PINX1: variants seen among roughly 807,000 people sequenced by gnomAD.
PINX1 encodes the protein PIN2/TERF1-interacting telomerase inhibitor 1.
A neutral mutation model predicts 25.4 loss-of-function variants in PINX1; 34 were observed. That is an observed-to-expected ratio of 1.34 (90% CI 1.02 to 1.78). The LOEUF (loss-of-function observed/expected upper bound fraction) is 1.78, where lower values mean the gene tolerates loss of function less well. Ranked by LOEUF, PINX1 falls within the 40% of genes most tolerant of loss-of-function variation. The pLI is 0.00. For missense variants in PINX1, 592 were observed against 404.9 expected, an observed-to-expected ratio of 1.46 and a Z score of -3.97; for synonymous variants, 197 against 147.7, an observed-to-expected ratio of 1.33 and a Z score of -2.42.
chr8:10,825,522 G>A (rs1229692600), intron 5 of PINX1: 1 of 526,562 alleles, frequency 1.9e-6, no homozygotes, highest in African/African-American at 1.9e-5. Context: ...CCTAGTGGCT[G>A]AAGACAACAA....
intron 6 of PINX1, among the ~76,000 whole-genome samples, chr8:10,807,008 A>G (rs1251591855): frequency 6.6e-6 from 1 of 152,122 alleles, no homozygotes; most frequent in Non-Finnish European, 1.5e-5. Context: ...TCATTAATTG[A>G]CTGTTAAATT....
chr8:10,834,483 A>ATCG, intron 2 of PINX1, 183 bp downstream of exon 2: 1 of 815,988 alleles, frequency 1.2e-6, no homozygotes, highest in South Asian at 1.9e-5. Flanking sequence ...AAATGATAGA[A>ATCG]AGTTGACACT....
intron 5 of PINX1, among the ~76,000 whole-genome samples, chr8:10,821,464 C>A (rs116569200): frequency 6.6e-6 from 1 of 152,226 alleles, no homozygotes; most frequent in South Asian, 2.1e-4. Context: ...CTGGCTGCTG[C>A]TCTCCTTCCT....
Position 10,765,497 on chromosome 8 carries a change from T to C in PINX1, c.891A>G (p.Arg297=). ...RDFTLKPKKR[R]GKKKLQKPVE... Reference sequence around the variant, plus strand: ...CTGGTTTTTGCAGCTTTTTCTTCCCTCTCCTCTTTTTGGGCTTCAGGGTGA... The same window carrying C: ...CTGGTTTTTGCAGCTTTTTCTTCCCCCTCCTCTTTTTGGGCTTCAGGGTGA... Residue 297 remains arginine, a synonymous_variant, in exon 7 of 7, where the codon AGA becomes AGG. Transcript: ENST00000314787. 6.2e-7 allele frequency: 1 copy of C among 1,613,658 alleles called. No individual in the cohort carries two copies. Among genetic ancestry groups the C allele is most frequent in the Non-Finnish European group, 8.5e-7 (1 of 1,179,882 alleles).
chr8:10,765,089 C>G lies in PINX1; in HGVS notation c.*312G>C, dbSNP rs952840905. 3.3e-6 allele frequency: 1 copy of G among 307,068 alleles called. No homozygotes were observed. Among genetic ancestry groups the G allele is most frequent in the African/African-American group, 2.2e-5 (1 of 46,426 alleles). 19.0% of individuals were successfully genotyped at this position (307,068 alleles called of 1,614,324 possible). A position where few individuals can be genotyped will look rare whatever the true frequency, so the allele number is the denominator to read the frequency against. On this transcript the variant is annotated 3_prime_UTR_variant, in exon 7 of 7. Coordinates refer to ENST00000314787, the MANE Select transcript of PINX1 (RefSeq NM_017884.6). ...ACACACACAGATGCGCACATGCACA[C>G]ACACGTGTGCACACTTACATGAATG...
At chr8:10,798,265 CAT>C (rs1279348324) in intron 6 of PINX1, among the ~76,000 whole-genome samples, 84 of 152,354 alleles carry the variant, frequency 5.5e-4, no homozygotes, top group African/African-American at 1.9e-3. Flanking sequence ...TGCATACTCA[CAT>C]GTGTGCTGCT....
chr8:10,793,422 T>G (rs1413500700), intron 6 of PINX1, among the ~76,000 whole-genome samples: 1 of 152,146 alleles, frequency 6.6e-6, no homozygotes, highest in Non-Finnish European at 1.5e-5. Flanking sequence ...ATCCATAAAA[T>G]GCACTAACAC....
chr8:10,776,144 G>T (rs1313568729), intron 6 of PINX1, among the ~76,000 whole-genome samples: 1 of 152,088 alleles, frequency 6.6e-6, no homozygotes, highest in Non-Finnish European at 1.5e-5. Context: ...ATTGGTCTTG[G>T]GCTGGGGGCG....
chr8:10,810,498 A>T (rs1797467053), intron 6 of PINX1, among the ~76,000 whole-genome samples: 1 of 152,184 alleles, frequency 6.6e-6, no homozygotes, highest in Non-Finnish European at 1.5e-5. Flanking sequence ...CTGTGTCCCC[A>T]GATTGTTCAA....
intron 1 of PINX1, among the ~76,000 whole-genome samples, chr8:10,837,180 C>G (rs1563242837): frequency 6.6e-6 from 1 of 152,186 alleles, no homozygotes; most frequent in Admixed American, 6.5e-5. Context: ...CTTCTGCGAG[C>G]CAGGAATTTT....
rs558737653 is a variant in PINX1, at chr8:10,814,339, C to T, written c.471+5854G>A. On this transcript the variant is annotated intron_variant, in intron 6 of 6. Coordinates refer to ENST00000314787, the MANE Select transcript of PINX1 (RefSeq NM_017884.6). ...ATTGAAGCAAGTACTTCTGAATAGC[C>T]GGATTCAGCAGGGAAACAGCGCCTC... is the stretch of plus-strand genomic sequence containing the variant. Among the ~76,000 whole-genome samples, 19 of 152,280 alleles carry T rather than the reference C, an allele frequency of 1.2e-4. No homozygotes were observed. In the East Asian group the frequency reaches 2.3e-3, roughly 19 times the overall value.
In PINX1 at chr8:10,765,267, C is replaced by T; in HGVS notation, c.*134G>A. 8.0e-6 allele frequency: 6 copies of T among 748,646 alleles called. No homozygotes were observed. Among genetic ancestry groups the T allele is most frequent in the Non-Finnish European group, 1.2e-5 (6 of 480,616 alleles). The allele number at this position is 748,646 out of a possible 1,614,324, so 46.4% of individuals were successfully genotyped here. A position where few individuals can be genotyped will look rare whatever the true frequency, so the allele number is the denominator to read the frequency against. On this transcript the variant is annotated 3_prime_UTR_variant, in exon 7 of 7. Coordinates refer to ENST00000314787, the MANE Select transcript of PINX1 (RefSeq NM_017884.6). The stretch of plus-strand genomic sequence containing the variant: ...GGAAATGTGGCGAGAGGGCAGGACT[C>T]GGCAGCCCATGGGCATGCCACAAGA...
Position 10,839,809 on chromosome 8 carries a change from G to A in PINX1, c.-53C>T, listed in dbSNP as rs377136690. ...CTGGACCTGGGTGACTGCGGCCACT[G>A]GGCGGGCTGGAGACTCCAGGAGAAT... On this transcript the variant is annotated 5_prime_UTR_variant, in exon 1 of 7. Coordinates refer to ENST00000314787, the MANE Select transcript of PINX1 (RefSeq NM_017884.6). 1.1e-3 allele frequency: 1,783 copies of A among 1,566,562 alleles called. 12 individuals carry two copies. In the Middle Eastern group the frequency reaches 0.013, roughly 11 times the overall value.
At chr8:10,773,941 G>A (rs563042239) in intron 6 of PINX1, among the ~76,000 whole-genome samples, 17 of 152,358 alleles carry the variant, frequency 1.1e-4, no homozygotes, top group African/African-American at 3.6e-4. Flanking sequence ...TCCAGAGCTG[G>A]AGATGATCAA....
intron 6 of PINX1, among the ~76,000 whole-genome samples, chr8:10,802,754 G>A (rs903114368): frequency 5.9e-5 from 9 of 152,168 alleles, no homozygotes; most frequent in Non-Finnish European, 8.8e-5. Flanking sequence ...CCTCCAGGGT[G>A]GGGGATGGGG....
chr8:10,832,293 T>A (rs548451564), intron 3 of PINX1, among the ~76,000 whole-genome samples: 4 of 152,152 alleles, frequency 2.6e-5, no homozygotes, highest in Non-Finnish European at 4.4e-5. Context: ...TATAAAAAAA[T>A]GAACCTGGCT....
At chr8:10,814,382 T>C (rs1563226937) in intron 6 of PINX1, among the ~76,000 whole-genome samples, 4 of 152,190 alleles carry the variant, frequency 2.6e-5, no homozygotes, top group Non-Finnish European at 4.4e-5. Flanking sequence ...CTGCTGTGTC[T>C]GGAGGAAATA....
intron 6 of PINX1, among the ~76,000 whole-genome samples, chr8:10,781,311 C>G (rs1443641271): frequency 1.3e-5 from 2 of 152,096 alleles, no homozygotes; most frequent in African/African-American, 2.4e-5. Context: ...GATATCACAC[C>G]AAAAGCTCAG....
chr8:10,784,225 C>T lies in PINX1; in HGVS notation c.472-18309G>A, dbSNP rs529936932. ...TGAGAGTGAGGAGGCTGATCTAAAA[C>T]GAAATGACTGATTTAACTAAATGAA... On this transcript the variant is annotated intron_variant, in intron 6 of 6. Coordinates refer to ENST00000314787, the MANE Select transcript of PINX1 (RefSeq NM_017884.6). Among the ~76,000 whole-genome samples, 9 of 152,260 alleles carry T rather than the reference C, an allele frequency of 5.9e-5. No homozygotes were observed. The East Asian group carries it at 9.6e-4, about 16-fold the overall frequency.
Sources: allele counts gnomAD v4.1 joint callset (sites outside exome capture counted in the v4.1 genomes callset), GRCh38; gene constraint gnomAD v4.1.1; transcripts MANE v1.5; gene names NCBI Gene and HGNC (gene_info 2026-07-23, HGNC 2026-07-21).